The following DPH6 variants were observed in gnomAD, a reference collection of about 807,000 sequenced individuals.
DPH6 encodes diphthamine biosynthesis 6, also known as diphthine--ammonia ligase.
DPH6 carries 33 observed loss-of-function variants against 38.2 expected under a neutral mutation model. The observed-to-expected ratio is 0.86, with a 90% CI of 0.65 to 1.15. The LOEUF is 1.15. Ranked by LOEUF, DPH6 falls within the 50% of genes most tolerant of loss-of-function variation. The pLI, the probability that DPH6 is intolerant of heterozygous loss-of-function variation, is 0.00. For synonymous variants in DPH6, 108 were observed against 103.0 expected, an observed-to-expected ratio of 1.05 and a Z score of -0.30; for missense variants, 325 against 320.0, an observed-to-expected ratio of 1.02 and a Z score of -0.12.
chr15:35,249,252 T>C (rs1337353194), intron 3 of DPH6, among the ~76,000 whole-genome samples: 3 of 152,182 alleles, frequency 2.0e-5, no homozygotes, highest in East Asian at 1.9e-4. Context: ...CCTCTATTCC[T>C]GTAGATAAAA....
chr15:35,174,809 A>G, the DPH6 span, among the ~76,000 whole-genome samples: 1 of 152,204 alleles, frequency 6.6e-6, no homozygotes, highest in Admixed American at 6.5e-5. Flanking sequence ...TTTCAAGATG[A>G]TCTCAGGAAA....
At chr15:35,342,318 A>G (rs1439399464) in intron 3 of DPH6, among the ~76,000 whole-genome samples, 2 of 152,208 alleles carry the variant, frequency 1.3e-5, no homozygotes, top group Admixed American at 6.5e-5. Flanking sequence ...GCTCACAAGG[A>G]GATCTCCTGA....
intron 3 of DPH6, among the ~76,000 whole-genome samples, chr15:35,492,177 G>A (rs928891658): frequency 6.6e-6 from 1 of 152,092 alleles, no homozygotes; most frequent in African/African-American, 2.4e-5. Flanking sequence ...CAGGCAGAGA[G>A]GAGGAATTCT....
chr15:35,247,058 T>C (rs1178402282), intron 3 of DPH6, among the ~76,000 whole-genome samples: 1 of 152,194 alleles, frequency 6.6e-6, no homozygotes, highest in Non-Finnish European at 1.5e-5. Flanking sequence ...TCCATTTGCC[T>C]CAATTAAGGA....
chr15:35,332,232 T>C (rs188092657), intron 3 of DPH6, among the ~76,000 whole-genome samples: 3 of 152,298 alleles, frequency 2.0e-5, no homozygotes, highest in African/African-American at 7.2e-5. Flanking sequence ...CATTTCCAAT[T>C]ATCATATTTT....
chr15:35,490,214 A>C, intron 3 of DPH6: 1 of 984,780 alleles, frequency 1.0e-6, no homozygotes, highest in South Asian at 4.7e-5. Context: ...GAAGAAAGGA[A>C]GGAAGGAAAG....
intron 3 of DPH6, among the ~76,000 whole-genome samples, chr15:35,505,539 T>G (rs1482198120): frequency 6.6e-6 from 1 of 152,100 alleles, no homozygotes; most frequent in Non-Finnish European, 1.5e-5. Flanking sequence ...AAACTCCTCA[T>G]ATCAACATTC....
chr15:35,355,855 C>T (rs2052555071), intron 3 of DPH6, among the ~76,000 whole-genome samples: 1 of 152,184 alleles, frequency 6.6e-6, no homozygotes, highest in South Asian at 2.1e-4. Flanking sequence ...GGGAAGTTCT[C>T]CTGGATAATA....
At chr15:35,315,857 T>G (rs568170866) in intron 3 of DPH6, among the ~76,000 whole-genome samples, 1 of 152,100 alleles carries the variant, frequency 6.6e-6, no homozygotes, top group Admixed American at 6.5e-5. Flanking sequence ...ATTATTCAGC[T>G]GCAAAAAAGG....
the DPH6 span, among the ~76,000 whole-genome samples, chr15:35,207,335 T>G: frequency 6.6e-6 from 1 of 152,042 alleles, no homozygotes; most frequent in Non-Finnish European, 1.5e-5. Flanking sequence ...GCATAAGCCA[T>G]CAAACCCAGC....
At chr15:35,172,983 A>G in the DPH6 span, among the ~76,000 whole-genome samples, 1 of 152,106 alleles carries the variant, frequency 6.6e-6, no homozygotes, top group South Asian at 2.1e-4. Flanking sequence ...GACTTTTATA[A>G]AAAAAATACT....
chr15:35,343,165 C>A (rs2052435516), intron 3 of DPH6, among the ~76,000 whole-genome samples: 1 of 152,108 alleles, frequency 6.6e-6, no homozygotes, highest in Non-Finnish European at 1.5e-5. Flanking sequence ...AGATGAAATA[C>A]AACAAAATGT....
At chr15:35,314,539 G>C (rs993526036) in intron 3 of DPH6, among the ~76,000 whole-genome samples, 1 of 152,156 alleles carries the variant, frequency 6.6e-6, no homozygotes, top group African/African-American at 2.4e-5. Context: ...GTGGTGGTTC[G>C]AGAAGTTTCA....
At chr15:35,510,621 C>T (rs985352157) in intron 3 of DPH6, among the ~76,000 whole-genome samples, 4 of 152,140 alleles carry the variant, frequency 2.6e-5, no homozygotes, top group Non-Finnish European at 5.9e-5. Context: ...GGTACTCCAT[C>T]CCTGCTCCCA....
chr15:35,542,967 A>ATATATATATATATAT (rs1566946762), intron 1 of DPH6, among the ~76,000 whole-genome samples: 1 of 15,580 alleles, frequency 6.4e-5, no homozygotes, highest in Non-Finnish European at 1.4e-4. Flanking sequence ...TATATATATA[A>ATATATATATATATAT]AATAATTTCA....
the DPH6 span, among the ~76,000 whole-genome samples, chr15:35,181,987 G>T: frequency 2.2e-4 from 31 of 139,448 alleles, 1 homozygote; most frequent in Admixed American, 6.3e-4. Context: ...TCTAAATAAA[G>T]ATGTATGTAA....
chr15:35,250,195 A>C (rs919726191), intron 3 of DPH6, among the ~76,000 whole-genome samples: 3 of 151,444 alleles, frequency 2.0e-5, no homozygotes, highest in African/African-American at 7.3e-5. Context: ...CCAAAAAAAC[A>C]AAAAACAAAA....
At chr15:35,166,998 G>A in the DPH6 span, among the ~76,000 whole-genome samples, 3 of 152,036 alleles carry the variant, frequency 2.0e-5, no homozygotes, top group African/African-American at 7.2e-5. Context: ...GTACTGAAGA[G>A]CCGGAAGAGT....
intron 3 of DPH6, among the ~76,000 whole-genome samples, chr15:35,298,050 T>A (rs1022861286): frequency 4.0e-5 from 6 of 151,392 alleles, no homozygotes; most frequent in Admixed American, 6.6e-5. Flanking sequence ...TTTCTTTTTG[T>A]TTTTTTTGTA....
Sources: gnomAD v4.1 joint callset for allele counts (sites outside exome capture counted in the v4.1 genomes callset) on GRCh38, gnomAD v4.1.1 for gene constraint, MANE v1.5 for transcripts, NCBI Gene and HGNC (gene_info 2026-07-23, HGNC 2026-07-21) for gene names.